The following GULP1 variants were observed in gnomAD, a reference collection of about 807,000 sequenced individuals.
GULP1 encodes PTB domain-containing engulfment adapter protein 1.
Under a neutral mutation model 40.9 loss-of-function variants are expected in GULP1, and 19 were observed. The ratio of observed to expected loss-of-function variants is 0.46; its 90% CI spans 0.32 to 0.68. GULP1 has a LOEUF of 0.68. Among genes scored for constraint, GULP1 ranks in the 30% least tolerant of loss-of-function variants. The probability of loss-of-function intolerance (pLI) is 0.03; values close to 1 mark genes in which losing one functional copy is unlikely to be tolerated. For synonymous variants in GULP1, 119 were observed against 117.6 expected, an observed-to-expected ratio of 1.01 and a Z score of -0.08; for missense variants, 312 against 362.2, an observed-to-expected ratio of 0.86 and a Z score of 1.12.
intron 2 of GULP1, among the ~76,000 whole-genome samples, chr2:188,412,434 G>A (rs1309160503): frequency 1.3e-5 from 2 of 152,070 alleles, no homozygotes; most frequent in African/African-American, 4.8e-5. Flanking sequence ...TTAGCCTGTT[G>A]ACTCAGAGGT....
intron 1 of GULP1, among the ~76,000 whole-genome samples, chr2:188,311,763 A>C (rs2038161152): frequency 6.8e-6 from 1 of 147,952 alleles, no homozygotes; most frequent in South Asian, 2.1e-4. Context: ...TATATAATAA[A>C]ATATAAATAT....
At chr2:188,461,200 C>T (rs1271523885) in intron 2 of GULP1, among the ~76,000 whole-genome samples, 1 of 152,058 alleles carries the variant, frequency 6.6e-6, no homozygotes, top group Non-Finnish European at 1.5e-5. Context: ...ATTCCCTCCA[C>T]CTCTGTTTTT....
At chr2:188,296,421 A>G (rs538560710) in intron 1 of GULP1, among the ~76,000 whole-genome samples, 3 of 152,114 alleles carry the variant, frequency 2.0e-5, no homozygotes, top group African/African-American at 7.2e-5. Context: ...GTTTTCAGCC[A>G]CTCTAATGAT....
chr2:188,412,668 C>G (rs2054061301), intron 2 of GULP1, among the ~76,000 whole-genome samples: 1 of 152,154 alleles, frequency 6.6e-6, no homozygotes, highest in African/African-American at 2.4e-5. Context: ...CCCTTGAGAG[C>G]ACTCCGTATA....
At chr2:188,491,882 T>C (rs569631809) in intron 4 of GULP1, among the ~76,000 whole-genome samples, 113 of 152,280 alleles carry the variant, frequency 7.4e-4, no homozygotes, top group African/African-American at 2.6e-3. Context: ...AGAGCTGTTA[T>C]GCATATTTTT....
chr2:188,507,721 T>G (rs2064076374), intron 4 of GULP1, among the ~76,000 whole-genome samples: 1 of 151,956 alleles, frequency 6.6e-6, no homozygotes, highest in African/African-American at 2.4e-5. Context: ...TACTCTAATC[T>G]TCAGACATAT....
At chr2:188,452,987 G>C (rs1237933564) in intron 2 of GULP1, among the ~76,000 whole-genome samples, 1 of 151,388 alleles carries the variant, frequency 6.6e-6, no homozygotes, top group Non-Finnish European at 1.5e-5. Flanking sequence ...AGGTATATTT[G>C]CCCTTTTTTT....
intron 2 of GULP1, among the ~76,000 whole-genome samples, chr2:188,401,617 A>T (rs943667037): frequency 6.6e-6 from 1 of 152,150 alleles, no homozygotes; most frequent in Admixed American, 6.6e-5. Flanking sequence ...GAGAAAAAGG[A>T]TTATACCATC....
intron 1 of GULP1, among the ~76,000 whole-genome samples, chr2:188,316,938 A>T (rs2039174339): frequency 6.6e-6 from 1 of 152,162 alleles, no homozygotes; most frequent in Non-Finnish European, 1.5e-5. Context: ...TTTAAAGAAA[A>T]CATGCCTCCT....
chr2:188,323,065 C>T (rs962446919), intron 1 of GULP1, among the ~76,000 whole-genome samples: 27 of 151,782 alleles, frequency 1.8e-4, no homozygotes, highest in African/African-American at 6.5e-4. Flanking sequence ...GTTTGCTGTC[C>T]TTTCTTCTCT....
At chr2:188,495,987 G>A (rs1403071608) in intron 4 of GULP1, among the ~76,000 whole-genome samples, 1 of 151,910 alleles carries the variant, frequency 6.6e-6, no homozygotes, top group Admixed American at 6.6e-5. Flanking sequence ...TTATGAAATT[G>A]TAGAACCAAA....
intron 1 of GULP1, among the ~76,000 whole-genome samples, chr2:188,362,886 A>T (rs2046283098): frequency 6.6e-6 from 1 of 151,840 alleles, no homozygotes; most frequent in African/African-American, 2.4e-5. Context: ...TTGGAGATCT[A>T]GCACATCTTA....
chr2:188,301,263 A>G (rs907381904), intron 1 of GULP1, among the ~76,000 whole-genome samples: 6 of 152,174 alleles, frequency 3.9e-5, no homozygotes, highest in Non-Finnish European at 5.9e-5. Flanking sequence ...GGCTTAAACA[A>G]TTCTCTGGCT....
intron 2 of GULP1, among the ~76,000 whole-genome samples, chr2:188,468,532 TAAC>T (rs1173668782): frequency 6.6e-6 from 1 of 152,206 alleles, no homozygotes; most frequent in Non-Finnish European, 1.5e-5. Flanking sequence ...GAAGCAAAGA[TAAC>T]ACCATTATTT....
At chr2:188,480,997 A>T (rs1046942115) in intron 3 of GULP1, among the ~76,000 whole-genome samples, 11 of 152,114 alleles carry the variant, frequency 7.2e-5, no homozygotes, top group African/African-American at 2.6e-4. Context: ...AGCTCTGATG[A>T]TACAAAAATA....
chr2:188,540,436 A>ATATGTG (rs386392111), intron 6 of GULP1, among the ~76,000 whole-genome samples: 50 of 149,718 alleles, frequency 3.3e-4, no homozygotes, highest in African/African-American at 1.1e-3. Context: ...ATAATTTAAT[A>ATATGTG]TGTGTGTGTG....
intron 1 of GULP1, among the ~76,000 whole-genome samples, chr2:188,348,610 A>T (rs929333471): frequency 1.3e-5 from 2 of 152,172 alleles, no homozygotes; most frequent in African/African-American, 4.8e-5. Context: ...AAACAAGCAG[A>T]ATATCACGAT....
At chr2:188,586,084 A>G (rs1261730371) in intron 10 of GULP1, among the ~76,000 whole-genome samples, 1 of 152,116 alleles carries the variant, frequency 6.6e-6, no homozygotes. Flanking sequence ...ATCTCTCTCA[A>G]GTTCAAAGTT....
chr2:188,357,799 T>C (rs962402155), intron 1 of GULP1, among the ~76,000 whole-genome samples: 1 of 152,172 alleles, frequency 6.6e-6, no homozygotes, highest in Non-Finnish European at 1.5e-5. Context: ...AGCCGAGATA[T>C]GGAATCAACC....
Sources: allele counts gnomAD v4.1 joint callset (sites outside exome capture counted in the v4.1 genomes callset), GRCh38; gene constraint gnomAD v4.1.1; transcripts MANE v1.5; gene names NCBI Gene and HGNC (gene_info 2026-07-23, HGNC 2026-07-21).